The following OVGP1 variants were observed in gnomAD, a reference collection of about 807,000 sequenced individuals.
The protein encoded by OVGP1 is oviduct-specific glycoprotein.
In OVGP1, 26 loss-of-function variants were observed where a neutral mutation model predicts 48.2. The ratio of observed to expected loss-of-function variants is 0.54; its 90% CI spans 0.40 to 0.75. The LOEUF is 0.75. OVGP1 is among the 30% of genes least tolerant of loss of function. The pLI, the probability that OVGP1 is intolerant of heterozygous loss-of-function variation, is 0.00. For synonymous variants in OVGP1, 294 were observed against 305.7 expected, an observed-to-expected ratio of 0.96 and a Z score of 0.40; for missense variants, 791 against 820.6, an observed-to-expected ratio of 0.96 and a Z score of 0.44.
chr1:111,426,944 A>T, intron 2 of OVGP1, 118 bp downstream of exon 2: 1 of 1,580,776 alleles, frequency 6.3e-7, no homozygotes, highest in Non-Finnish European at 8.6e-7. Flanking sequence ...ACTGTGTTGG[A>T]TCAATAATCC....
Position 111,415,065 on chromosome 1 carries a change from A to G in OVGP1, c.1436T>C (p.Met479Thr). Residue 479 changes from methionine to threonine, a missense_variant, in exon 11 of 11, where the codon ATG (methionine) becomes ACG (threonine). Met to Thr is a moderately conservative substitution (Grantham distance 81). Coordinates refer to ENST00000369732, the MANE Select transcript of OVGP1 (RefSeq NM_002557.4). ...EKTEITGAMT[M>T]TSVGHQSMTP... Reference sequence around the variant, plus strand: ...CATGGACTGATGACCCACAGAAGTCATGGTCATTGCCCCAGTGATCTCAGT... The same window carrying G: ...CATGGACTGATGACCCACAGAAGTCGTGGTCATTGCCCCAGTGATCTCAGT... The G allele has an allele frequency of 6.2e-7, 1 of 1,614,178 alleles. No homozygotes were observed. The highest frequency in any genetic ancestry group is 8.5e-7 in the Non-Finnish European group (1 of 1,179,990).
At chr1:111,421,199 G>T in intron 8 of OVGP1, 77 bp downstream of exon 8, 1 of 1,364,844 alleles carries the variant, frequency 7.3e-7, no homozygotes, top group Non-Finnish European at 1.0e-6. Context: ...CCTTGCCATT[G>T]CCCCTTGTCC....
chr1:111,424,426 T>C (rs1652350150), intron 4 of OVGP1, among the ~76,000 whole-genome samples: 1 of 152,190 alleles, frequency 6.6e-6, no homozygotes, highest in Non-Finnish European at 1.5e-5. Flanking sequence ...ACCAGACTCA[T>C]AAATAGATCT....
Position 111,415,250 on chromosome 1 carries a change from C to T in OVGP1, c.1251G>A (p.Trp417Ter). Reference protein sequence around the residue: ...DPERLAVTTAWTTDSKILPPG... With the variant: ...DPERLAVTTA ...GGGGCAAAATCTTACTATCAGTGGT[C>T]CATGCCGTGGTCACAGCCAGCCTTT... The change falls in exon 11 of 11, where the codon TGG (tryptophan) becomes TGA (stop). Residue 417 changes from tryptophan to a stop codon, truncating the protein, a stop_gained. Transcript: ENST00000369732. LOFTEE classifies it low-confidence loss of function (END_TRUNC). 6.2e-7 allele frequency: 1 copy of T among 1,614,186 alleles called. No individual in the cohort carries two copies. The highest frequency in any genetic ancestry group is 1.7e-5 in the Admixed American group (1 of 60,024).
rs1557780840 is a variant in OVGP1 at position 111,414,615 on chromosome 1, T to G, written c.1886A>C (p.Gln629Pro). The G allele has an allele frequency of 1.2e-6, 2 of 1,614,230 alleles. No homozygotes were observed. Among genetic ancestry groups the G allele is most frequent in the Non-Finnish European group, 1.7e-6 (2 of 1,180,040 alleles). Residue 629 changes from glutamine to proline, a missense_variant, in exon 11 of 11, where the codon CAG (glutamine) becomes CCG (proline). Physicochemically the swap from Gln to Pro is moderately conservative, Grantham distance 76 (BLOSUM62 -1). Transcript: ENST00000369732. ...RMMLSSSPVI[Q>P]LPEQTPLAFD... The stretch of plus-strand genomic sequence containing the variant: ...AGCTAGAGGAGTTTGTTCCGGGAGC[T>G]GGATGACGGGGCTGGAGGACAGCAT...
At chr1:111,427,154 A>C (rs1028322873) in intron 1 of OVGP1, 63 bp from the exon 2 acceptor site, 8 of 1,611,786 alleles carry the variant, frequency 5.0e-6, no homozygotes, top group Non-Finnish European at 5.9e-6. Flanking sequence ...GGTATGGCAC[A>C]GCACACCCTC....
intron 9 of OVGP1, among the ~76,000 whole-genome samples, chr1:111,418,651 T>G (rs1460982954): frequency 6.6e-6 from 1 of 152,242 alleles, no homozygotes; most frequent in African/African-American, 2.4e-5. Context: ...ACCTTTAAAC[T>G]GCTGCTCCTT....
chr1:111,419,844 A>T, intron 8 of OVGP1, 118 bp from the exon 9 acceptor site: 1 of 679,292 alleles, frequency 1.5e-6, no homozygotes. Context: ...GAATGAGAAG[A>T]AGGTAAACCA....
At chr1:111,426,312 C>T (rs1245799932) in intron 3 of OVGP1, 125 bp downstream of exon 3, 28 of 1,360,440 alleles carry the variant, frequency 2.1e-5, no homozygotes, top group Non-Finnish European at 2.7e-5. Context: ...GCTCTGGACC[C>T]CTATTTGAGA....
At chr1:111,419,803 A>G (rs1652217991) in intron 8 of OVGP1, 77 bp from the exon 9 acceptor site, 2 of 869,698 alleles carry the variant, frequency 2.3e-6, no homozygotes, top group Non-Finnish European at 3.9e-6. Context: ...TCCTTGCCCA[A>G]GGATAAAGAA....
intron 4 of OVGP1, among the ~76,000 whole-genome samples, chr1:111,423,989 C>T (rs917074024): frequency 5.9e-5 from 9 of 152,258 alleles, no homozygotes; most frequent in African/African-American, 4.8e-5. Context: ...ACCAAGCATG[C>T]AGCCTGGGGT....
chr1:111,420,773 C>A (rs1571354551), intron 8 of OVGP1, among the ~76,000 whole-genome samples: 1 of 151,962 alleles, frequency 6.6e-6, no homozygotes, highest in South Asian at 2.1e-4. Flanking sequence ...AGAGAAAGAA[C>A]CTGTAGTAGA....
Position 111,414,906 on chromosome 1 carries a change from A to G in OVGP1, c.1595T>C (p.Val532Ala), listed in dbSNP as rs1652087205. 6.6e-7 allele frequency: 1 copy of G among 1,504,516 alleles called. No individual in the cohort carries two copies. The highest frequency in any genetic ancestry group is 9.0e-7 in the Non-Finnish European group (1 of 1,113,180). The allele number at this position is 1,504,516 out of a possible 1,614,324, so 93.2% of individuals were successfully genotyped here. A position where few individuals can be genotyped will look rare whatever the true frequency, so the allele number is the denominator to read the frequency against. Residue 532 changes from valine to alanine, a missense_variant, in exon 11 of 11, where the codon GTG (valine) becomes GCG (alanine). Physicochemically the swap from Val to Ala is moderately conservative, Grantham distance 64. Transcript: ENST00000369732. ...CACAGACTGATGACTCACAGGGGTC[A>G]CAGACTGATGACCCACAGGGGTCAG... ...KTLTPVGHQS[V>A]TPVSHQSVSP...
In OVGP1 at chr1:111,423,644, G is replaced by C. The variant is rs779893103; in HGVS notation, c.382C>G (p.Leu128Val). The change falls in exon 5 of 11, where the codon CTG becomes GTG. Residue 128 changes from leucine to valine, a missense_variant. By Grantham distance (32) the Leu-to-Val change is conservative. Transcript: ENST00000369732. The stretch of plus-strand genomic sequence containing the variant: ...AGACCATCAAAGTCATGTGTCCTCA[G>C]AAGGGATATAACTGAAGCAATAAAC... Reference protein sequence around the residue: ...EKFIASVISLLRTHDFDGLDL... With the variant: ...EKFIASVISLVRTHDFDGLDL... 3 of 1,614,164 alleles carry C rather than the reference G, an allele frequency of 1.9e-6. No individual in the cohort carries two copies. The South Asian group carries it at 3.3e-5, about 18-fold the overall frequency.
At chr1:111,426,123 C>A (rs1652391224) in intron 3 of OVGP1, among the ~76,000 whole-genome samples, 1 of 152,140 alleles carries the variant, frequency 6.6e-6, no homozygotes, top group Non-Finnish European at 1.5e-5. Context: ...GATGTGTAAG[C>A]CCACTTTAAC....
intron 10 of OVGP1, 30 bp from the exon 11 acceptor site, chr1:111,415,374 T>C: frequency 6.4e-7 from 1 of 1,568,368 alleles, no homozygotes; most frequent in Admixed American, 1.8e-5. Context: ...AAGAATGAGA[T>C]TCCTACCACT....
rs760275207 is a variant in OVGP1 at position 111,414,816 on chromosome 1, A to C, written c.1685T>G (p.Val562Gly). The change falls in exon 11 of 11, where the codon GTG (valine) becomes GGG (glycine). Residue 562 changes from valine (V) to glycine (G), a missense_variant. By Grantham distance (109) the Val-to-Gly change is moderately radical. Transcript: ENST00000369732. ...FQTETLRQNTVAPRRKAVARE... is the reference protein window; with the variant it reads ...FQTETLRQNTGAPRRKAVARE... ...GGCCACAGCCTTCCTTCTAGGGGCC[A>C]CTGTATTCTGTCTAAGGGTCTCAGT... 1.9e-6 allele frequency: 3 copies of C among 1,596,816 alleles called. No individual in the cohort carries two copies. Among genetic ancestry groups the C allele is most frequent in the Non-Finnish European group, 2.6e-6 (3 of 1,168,900 alleles).
rs370656006 is a variant in OVGP1, at chr1:111,414,457, G to A, written c.*7C>T. ...GGGTTTTCCCTGGTTTCTGACACCA[G>A]AGGGGCTTAGGCTTCTTCATCCACA... On this transcript the variant is annotated 3_prime_UTR_variant, in exon 11 of 11. Transcript: ENST00000369732. The A allele has an allele frequency of 6.3e-7, 1 of 1,598,058 alleles. No individual in the cohort carries two copies. The highest frequency in any genetic ancestry group is 1.4e-5 in the African/African-American group (1 of 74,070).
intron 5 of OVGP1, 29 bp from the exon 6 acceptor site, chr1:111,423,080 A>T (rs766885682): frequency 6.2e-7 from 1 of 1,613,318 alleles, no homozygotes; most frequent in South Asian, 1.1e-5. Flanking sequence ...AGACACAGAG[A>T]ACTGGACAAA....
Sources: allele counts gnomAD v4.1 joint callset (sites outside exome capture counted in the v4.1 genomes callset), GRCh38; gene constraint gnomAD v4.1.1; transcripts MANE v1.5; gene names NCBI Gene and HGNC (gene_info 2026-07-23, HGNC 2026-07-21).